The following QTMAN variants were observed in gnomAD, a reference collection of about 807,000 sequenced individuals.
QTMAN encodes queuosine-tRNA mannosyltransferase.
At chr2:144,190,623 A>G in the QTMAN span, among the ~76,000 whole-genome samples, 19 of 152,336 alleles carry the variant, frequency 1.2e-4, no homozygotes, top group East Asian at 3.3e-3. Flanking sequence ...GGATTATACA[A>G]TAAGTCTCTA....
At chr2:144,243,864 G>A in the QTMAN span, among the ~76,000 whole-genome samples, 2 of 152,250 alleles carry the variant, frequency 1.3e-5, no homozygotes, top group South Asian at 4.1e-4. Context: ...AAAGTGATTG[G>A]TACAAAATCA....
At chr2:144,140,545 C>T in the QTMAN span, among the ~76,000 whole-genome samples, 3 of 151,952 alleles carry the variant, frequency 2.0e-5, no homozygotes, top group African/African-American at 7.2e-5. Flanking sequence ...TCTCATCACA[C>T]ATAAGAAAAC....
At chr2:144,205,823 T>A in the QTMAN span, among the ~76,000 whole-genome samples, 3 of 152,236 alleles carry the variant, frequency 2.0e-5, no homozygotes, top group Admixed American at 1.3e-4. Context: ...TAACATTTCA[T>A]AACCCAAAAG....
At chr2:144,022,826 T>C in the QTMAN span, among the ~76,000 whole-genome samples, 52 of 152,180 alleles carry the variant, frequency 3.4e-4, no homozygotes, top group African/African-American at 1.2e-3. Flanking sequence ...CCTCCCAAAG[T>C]GTTGGGATTA....
chr2:144,092,870 G>GGTGTGTGTGTGTGTGTGT, the QTMAN span, among the ~76,000 whole-genome samples: 8 of 140,726 alleles, frequency 5.7e-5, no homozygotes, highest in East Asian at 1.3e-3. Context: ...AAACTTTTGG[G>GGTGTGTGTGTGTGTGTGT]GTGTGTGTGT....
At chr2:143,943,986 A>G in the QTMAN span, 5 of 152,218 alleles carry the variant, frequency 3.3e-5, no homozygotes, top group Non-Finnish European at 7.3e-5. Flanking sequence ...TTTTAAAGAC[A>G]TTTAAAATTA....
chr2:144,300,633 A>G, the QTMAN span, among the ~76,000 whole-genome samples: 2 of 152,198 alleles, frequency 1.3e-5, no homozygotes, highest in Non-Finnish European at 2.9e-5. Context: ...GTGAAAAAAG[A>G]AAGCTTGAGG....
the QTMAN span, among the ~76,000 whole-genome samples, chr2:144,276,431 C>T: frequency 6.6e-6 from 1 of 151,944 alleles, no homozygotes; most frequent in Non-Finnish European, 1.5e-5. Flanking sequence ...CTCAAGTGAT[C>T]CTCCCACCTC....
the QTMAN span, among the ~76,000 whole-genome samples, chr2:144,110,896 C>T: frequency 6.6e-6 from 1 of 152,166 alleles, no homozygotes; most frequent in Non-Finnish European, 1.5e-5. Context: ...CTGATTCTCA[C>T]ATCAGGGCCT....
At chr2:144,132,190 T>C in the QTMAN span, among the ~76,000 whole-genome samples, 2 of 151,954 alleles carry the variant, frequency 1.3e-5, no homozygotes, top group Non-Finnish European at 2.9e-5. Flanking sequence ...TTTTAATAGA[T>C]GTTGGGTGAA....
At chr2:144,226,129 A>G in the QTMAN span, among the ~76,000 whole-genome samples, 2 of 152,224 alleles carry the variant, frequency 1.3e-5, no homozygotes, top group Non-Finnish European at 2.9e-5. Context: ...AATAAATCCT[A>G]AATCATGGTC....
the QTMAN span, among the ~76,000 whole-genome samples, chr2:144,083,961 CT>C: frequency 6.6e-6 from 1 of 152,150 alleles, no homozygotes; most frequent in Non-Finnish European, 1.5e-5. Flanking sequence ...AACATGTGGT[CT>C]GCTTGTTATG....
At chr2:144,133,140 TATATATATATA>T in the QTMAN span, among the ~76,000 whole-genome samples, 4 of 46,164 alleles carry the variant, frequency 8.7e-5, no homozygotes, top group African/African-American at 4.0e-4. Flanking sequence ...TATATATATA[TATATATATATA>T]ATATAATATA....
the QTMAN span, among the ~76,000 whole-genome samples, chr2:144,047,234 G>C: frequency 6.6e-6 from 1 of 152,120 alleles, no homozygotes; most frequent in Non-Finnish European, 1.5e-5. Flanking sequence ...TTGCACCACT[G>C]TCCTCCAGCC....
the QTMAN span, among the ~76,000 whole-genome samples, chr2:144,264,654 T>C: frequency 6.6e-6 from 1 of 152,112 alleles, no homozygotes; most frequent in Non-Finnish European, 1.5e-5. Flanking sequence ...AGGAACGAAA[T>C]CCAAGAAGTC....
chr2:144,087,816 T>C, the QTMAN span, among the ~76,000 whole-genome samples: 1 of 152,038 alleles, frequency 6.6e-6, no homozygotes. Context: ...AATAAAGTCA[T>C]ATACAACAAA....
the QTMAN span, among the ~76,000 whole-genome samples, chr2:144,206,449 C>T: frequency 6.6e-6 from 1 of 152,156 alleles, no homozygotes; most frequent in East Asian, 1.9e-4. Flanking sequence ...CATGCTACTG[C>T]TATTTTTCTA....
At chr2:144,210,273 C>T in the QTMAN span, among the ~76,000 whole-genome samples, 8 of 152,190 alleles carry the variant, frequency 5.3e-5, no homozygotes, top group East Asian at 1.5e-3. Context: ...GACAACAGTA[C>T]TAACCTCAGA....
chr2:144,274,843 A>C, the QTMAN span, among the ~76,000 whole-genome samples: 10 of 152,146 alleles, frequency 6.6e-5, no homozygotes, highest in Non-Finnish European at 1.2e-4. Flanking sequence ...ACACCCAGTC[A>C]ATCAGAAGCA....
Sources: gnomAD v4.1 joint callset for allele counts (sites outside exome capture counted in the v4.1 genomes callset) on GRCh38, gnomAD v4.1.1 for gene constraint, MANE v1.5 for transcripts, NCBI Gene and HGNC (gene_info 2026-07-23, HGNC 2026-07-21) for gene names.